The following NAALADL2 variants were observed in gnomAD, a reference collection of about 807,000 sequenced individuals.
NAALADL2 encodes inactive N-acetylated-alpha-linked acidic dipeptidase-like protein 2.
NAALADL2 carries 76 observed loss-of-function variants against 87.2 expected under a neutral mutation model. That is an observed-to-expected ratio of 0.87 (90% CI 0.72 to 1.05). The LOEUF (loss-of-function observed/expected upper bound fraction) is 1.05. Among genes scored for constraint, NAALADL2 ranks in the 50% least tolerant of loss-of-function variants. The pLI is 0.00. For synonymous variants in NAALADL2, 354 were observed against 331.0 expected (o/e 1.07, Z -0.75); for missense variants, 1,089 against 945.8 (o/e 1.15, Z -1.99).
chr3:174,828,784 G>C (rs551050723), intron 3 of NAALADL2, among the ~76,000 whole-genome samples: 1 of 152,132 alleles, frequency 6.6e-6, no homozygotes, highest in South Asian at 2.1e-4. Context: ...AACAGTCCAG[G>C]GTGCAAAACT....
intron 3 of NAALADL2, among the ~76,000 whole-genome samples, chr3:175,249,048 A>C (rs1047234386): frequency 6.6e-6 from 1 of 152,070 alleles, no homozygotes; most frequent in Non-Finnish European, 1.5e-5. Flanking sequence ...ACATTTAGGG[A>C]GTACAACTGA....
At chr3:174,946,230 G>A (rs557886996) in intron 1 of NAALADL2, among the ~76,000 whole-genome samples, 20 of 151,876 alleles carry the variant, frequency 1.3e-4, no homozygotes, top group South Asian at 2.1e-4. Flanking sequence ...AATGGAATGC[G>A]TTTTTTATAA....
intron 2 of NAALADL2, among the ~76,000 whole-genome samples, chr3:175,202,049 ATT>A (rs947506653): frequency 6.8e-6 from 1 of 147,958 alleles, no homozygotes; most frequent in Non-Finnish European, 1.5e-5. Context: ...ATTACTATTT[ATT>A]TTTTTTTTTA....
intron 2 of NAALADL2, among the ~76,000 whole-genome samples, chr3:174,721,167 C>G (rs1465151398): frequency 6.6e-6 from 1 of 151,958 alleles, no homozygotes; most frequent in African/African-American, 2.4e-5. Context: ...GTGAAATAGG[C>G]TGTAACTTTA....
At chr3:174,982,034 G>A (rs1200415877) in intron 1 of NAALADL2, among the ~76,000 whole-genome samples, 1 of 152,204 alleles carries the variant, frequency 6.6e-6, no homozygotes, top group Non-Finnish European at 1.5e-5. Flanking sequence ...AAGCTAGCAA[G>A]TCTAGATTTT....
At chr3:175,674,429 T>G (rs1734475752) in intron 11 of NAALADL2, among the ~76,000 whole-genome samples, 1 of 144,870 alleles carries the variant, frequency 6.9e-6, no homozygotes, top group South Asian at 2.1e-4. Context: ...CTGGCTAATG[T>G]TTTTTTTTGC....
chr3:174,727,941 T>G (rs1307109158), intron 2 of NAALADL2, among the ~76,000 whole-genome samples: 1 of 152,160 alleles, frequency 6.6e-6, no homozygotes, highest in African/African-American at 2.4e-5. Context: ...GTTTTGCATT[T>G]TCCATAACCT....
At chr3:175,578,458 C>T (rs1212510051) in intron 10 of NAALADL2, among the ~76,000 whole-genome samples, 1 of 151,986 alleles carries the variant, frequency 6.6e-6, no homozygotes, top group Non-Finnish European at 1.5e-5. Context: ...ACAAAAGAAG[C>T]CCATAATATC....
intron 1 of NAALADL2, among the ~76,000 whole-genome samples, chr3:174,945,434 T>A (rs1225563697): frequency 1.3e-5 from 2 of 152,168 alleles, no homozygotes; most frequent in Non-Finnish European, 2.9e-5. Flanking sequence ...TGGCCTACAT[T>A]TAAAATTCTA....
intron 1 of NAALADL2, among the ~76,000 whole-genome samples, chr3:174,922,895 G>A (rs1285165590): frequency 6.6e-6 from 1 of 152,060 alleles, no homozygotes; most frequent in Non-Finnish European, 1.5e-5. Flanking sequence ...TTTTGCTGGT[G>A]GTATTAACCT....
intron 3 of NAALADL2, among the ~76,000 whole-genome samples, chr3:174,809,163 C>G (rs1036166407): frequency 6.6e-6 from 1 of 151,932 alleles, no homozygotes; most frequent in Non-Finnish European, 1.5e-5. Context: ...TATTGTAAAC[C>G]TGAAGCAGGT....
At chr3:175,554,194 C>A (rs1004123376) in intron 9 of NAALADL2, among the ~76,000 whole-genome samples, 1 of 152,010 alleles carries the variant, frequency 6.6e-6, no homozygotes, top group Non-Finnish European at 1.5e-5. Context: ...AAGCAGAGTA[C>A]AAGAGGAGAC....
chr3:174,924,255 C>T (rs1039580684), intron 1 of NAALADL2, among the ~76,000 whole-genome samples: 9 of 129,196 alleles, frequency 7.0e-5, no homozygotes, highest in African/African-American at 2.6e-4. Context: ...TGTCCCCCTT[C>T]CTGTGTCCAA....
chr3:174,957,688 CT>C (rs1741357043), intron 1 of NAALADL2, among the ~76,000 whole-genome samples: 1 of 151,446 alleles, frequency 6.6e-6, no homozygotes, highest in African/African-American at 2.4e-5. Context: ...TATTTTTAGG[CT>C]TGGAATAGAA....
intron 1 of NAALADL2, among the ~76,000 whole-genome samples, chr3:174,862,574 A>G (rs956356142): frequency 3.9e-5 from 6 of 152,104 alleles, no homozygotes; most frequent in South Asian, 4.1e-4. Flanking sequence ...CTGCTACCTC[A>G]GGAATCCAGT....
At chr3:175,242,023 A>G (rs925136397) in intron 3 of NAALADL2, among the ~76,000 whole-genome samples, 1 of 151,300 alleles carries the variant, frequency 6.6e-6, no homozygotes, top group African/African-American at 2.4e-5. Context: ...CCCCATGCCC[A>G]GCAAATTTTT....
At chr3:175,768,145 G>A (rs1048482026) in intron 13 of NAALADL2, among the ~76,000 whole-genome samples, 2 of 152,030 alleles carry the variant, frequency 1.3e-5, no homozygotes, top group Admixed American at 1.3e-4. Flanking sequence ...TGTATAATAC[G>A]TGTCCATATC....
At chr3:174,576,751 G>C (rs1055697749) in intron 2 of NAALADL2, among the ~76,000 whole-genome samples, 2 of 152,146 alleles carry the variant, frequency 1.3e-5, no homozygotes, top group Non-Finnish European at 2.9e-5. Flanking sequence ...GTAATACACT[G>C]AAGTAAGGTT....
chr3:175,089,820 G>T (rs1719741024), intron 1 of NAALADL2, among the ~76,000 whole-genome samples: 1 of 152,154 alleles, frequency 6.6e-6, no homozygotes, highest in Non-Finnish European at 1.5e-5. Context: ...TAACAACTGA[G>T]ATCAGGCAAA....
Sources: allele counts gnomAD v4.1 joint callset (sites outside exome capture counted in the v4.1 genomes callset), GRCh38; gene constraint gnomAD v4.1.1; transcripts MANE v1.5; gene names NCBI Gene and HGNC (gene_info 2026-07-23, HGNC 2026-07-21).